The following ZFYVE9 variants were observed in gnomAD, a reference collection of about 807,000 sequenced individuals.
ZFYVE9 encodes the protein zinc finger FYVE domain-containing protein 9.
ZFYVE9 carries 43 observed loss-of-function variants against 126.7 expected under a neutral mutation model. The ratio of observed to expected loss-of-function variants is 0.34; its 90% CI spans 0.27 to 0.44. The LOEUF is 0.44. Ranked by LOEUF, ZFYVE9 falls within the 20% of genes least tolerant of loss-of-function variation. ZFYVE9 has a pLI of 1.00. For missense variants in ZFYVE9, 1,476 were observed against 1,697.0 expected (o/e 0.87, Z 2.29); for synonymous variants, 521 against 597.4 (o/e 0.87, Z 1.87).
At chr1:52,206,750 A>G (rs905342795) in intron 1 of ZFYVE9, among the ~76,000 whole-genome samples, 60 of 152,122 alleles carry the variant, frequency 3.9e-4, no homozygotes, top group Middle Eastern at 3.2e-3. Context: ...GGGTTTCGCC[A>G]TGTTGGCCAG....
chr1:52,227,049 G>A (rs1354217008), intron 2 of ZFYVE9, among the ~76,000 whole-genome samples: 2 of 152,164 alleles, frequency 1.3e-5, no homozygotes, highest in African/African-American at 2.4e-5. Context: ...GGGTATATAG[G>A]TGAGAAAGGT....
intron 12 of ZFYVE9, among the ~76,000 whole-genome samples, chr1:52,299,828 G>A (rs542377670): frequency 4.9e-4 from 74 of 152,344 alleles, no homozygotes; most frequent in African/African-American, 1.5e-3. Context: ...AGTGGGTCCA[G>A]TTTCAAGATG....
chr1:52,197,922 A>G (rs1644876529), intron 1 of ZFYVE9, among the ~76,000 whole-genome samples: 1 of 152,260 alleles, frequency 6.6e-6, no homozygotes, highest in Admixed American at 6.5e-5. Context: ...TGGAACAACC[A>G]GATGGAGAAC....
Position 52,246,868 on chromosome 1 carries a change from C to T in ZFYVE9, c.2178+7273C>T, listed in dbSNP as rs971421535. ...GATTACAGGCACCTGCCACCACACCCGACTAATTTTTTTATTTTTAGTAGA... is the reference window on the plus strand; with the variant it reads ...GATTACAGGCACCTGCCACCACACCTGACTAATTTTTTTATTTTTAGTAGA... On this transcript the variant is annotated intron_variant, in intron 4 of 18. Transcript: ENST00000287727. 3.9e-5 allele frequency among the ~76,000 whole-genome samples: 6 copies of T among 152,048 alleles called. No individual in the cohort carries two copies. The East Asian group carries it at 5.8e-4, about 15-fold the overall frequency.
intron 4 of ZFYVE9, among the ~76,000 whole-genome samples, chr1:52,257,713 A>T (rs900975461): frequency 6.6e-6 from 1 of 152,166 alleles, no homozygotes; most frequent in Non-Finnish European, 1.5e-5. Context: ...TTGTTTCTCC[A>T]TTCATACATT....
At chr1:52,272,673 C>CGTTTTTTTTTTT (rs1645704814) in intron 7 of ZFYVE9, among the ~76,000 whole-genome samples, 1 of 121,286 alleles carries the variant, frequency 8.2e-6, no homozygotes, top group African/African-American at 3.4e-5. Flanking sequence ...TAGAAATAAT[C>CGTTTTTTTTTTT]TTTTTTTTTT....
intron 13 of ZFYVE9, among the ~76,000 whole-genome samples, chr1:52,316,047 C>T (rs963290789): frequency 2.1e-4 from 32 of 151,202 alleles, no homozygotes; most frequent in African/African-American, 7.5e-4. Flanking sequence ...TGCTTGTAGT[C>T]CCACCTACTC....
chr1:52,211,054 G>A (rs1453158768), intron 1 of ZFYVE9, among the ~76,000 whole-genome samples: 3 of 152,148 alleles, frequency 2.0e-5, no homozygotes, highest in East Asian at 3.9e-4. Context: ...GAGATTCATG[G>A]GGCAGATCAC....
At chr1:52,171,675 T>A (rs1352364817) in intron 1 of ZFYVE9, among the ~76,000 whole-genome samples, 1 of 151,980 alleles carries the variant, frequency 6.6e-6, no homozygotes, top group Admixed American at 6.6e-5. Context: ...TTTCCTGACT[T>A]TTTAATGATC....
chr1:52,311,077 G>A (rs536161833), intron 13 of ZFYVE9, among the ~76,000 whole-genome samples: 1 of 152,054 alleles, frequency 6.6e-6, no homozygotes, highest in African/African-American at 2.4e-5. Flanking sequence ...CGTTGCCCAG[G>A]TTGGTCTTGA....
chr1:52,335,304 C>T (rs1557525624), intron 15 of ZFYVE9: 1 of 153,344 alleles, frequency 6.5e-6, no homozygotes, highest in South Asian at 2.0e-4. Flanking sequence ...ATCATGCTTG[C>T]TTATCCTCTA....
At chr1:52,332,280 T>C (rs1316226386) in intron 13 of ZFYVE9, among the ~76,000 whole-genome samples, 1 of 152,130 alleles carries the variant, frequency 6.6e-6, no homozygotes, top group Non-Finnish European at 1.5e-5. Context: ...ACTAATTTCA[T>C]TGAAGATCTC....
At chr1:52,227,813 C>G (rs1362438281) in intron 2 of ZFYVE9, among the ~76,000 whole-genome samples, 6 of 152,160 alleles carry the variant, frequency 3.9e-5, no homozygotes, top group Admixed American at 3.3e-4. Flanking sequence ...ATGGAGGGGA[C>G]TTTTTCTGTA....
chr1:52,182,888 A>C (rs1190130231), intron 1 of ZFYVE9, among the ~76,000 whole-genome samples: 1 of 152,158 alleles, frequency 6.6e-6, no homozygotes, highest in East Asian at 1.9e-4. Flanking sequence ...AGTAAGCCAT[A>C]AAACCTAGTC....
intron 1 of ZFYVE9, among the ~76,000 whole-genome samples, chr1:52,192,051 A>C (rs1644820914): frequency 6.6e-6 from 1 of 151,340 alleles, no homozygotes. Context: ...TTTCTAGAAC[A>C]AGCACCTGAA....
chr1:52,188,731 T>C (rs1170162138), intron 1 of ZFYVE9, among the ~76,000 whole-genome samples: 1 of 152,126 alleles, frequency 6.6e-6, no homozygotes, highest in East Asian at 1.9e-4. Context: ...AATACCAATG[T>C]TAAGGTCAGG....
Position 52,210,246 on chromosome 1 carries a change from G to A in ZFYVE9, c.-142-6123G>A, listed in dbSNP as rs191314201. 5.6e-3 allele frequency among the ~76,000 whole-genome samples: 849 copies of A among 152,266 alleles called. 20 individuals are homozygous for A. Among genetic ancestry groups the A allele is most frequent in the Non-Finnish European group, 2.0e-3 (137 of 68,036 alleles). On this transcript the variant is annotated intron_variant, in intron 1 of 18. Transcript: ENST00000287727. ...GTGCCAATATATAAGTAGTAAAATG[G>A]CACTGGAACATTAATGAGTCAGAAA...
At chr1:52,292,296 A>C (rs1015508473) in intron 10 of ZFYVE9, among the ~76,000 whole-genome samples, 2 of 151,324 alleles carry the variant, frequency 1.3e-5, no homozygotes, top group Non-Finnish European at 2.9e-5. Flanking sequence ...AAAAAAAAAA[A>C]AACAAAACGA....
At chr1:52,297,622 C>T (rs184764403) in intron 12 of ZFYVE9, among the ~76,000 whole-genome samples, 25 of 151,924 alleles carry the variant, frequency 1.6e-4, no homozygotes, top group Non-Finnish European at 1.0e-4. Flanking sequence ...TACAGCTTTT[C>T]GGTTGCTTTT....
Sources: allele counts gnomAD v4.1 joint callset (sites outside exome capture counted in the v4.1 genomes callset), GRCh38; gene constraint gnomAD v4.1.1; transcripts MANE v1.5; gene names NCBI Gene and HGNC (gene_info 2026-07-23, HGNC 2026-07-21).